The following PAK5 variants were observed in gnomAD, a reference collection of about 807,000 sequenced individuals.
PAK5 encodes the protein p21 (RAC1) activated kinase 5.
A neutral mutation model predicts 65.9 loss-of-function variants in PAK5; 16 were observed. That is an observed-to-expected ratio of 0.24 (90% CI 0.16 to 0.37). PAK5 has a LOEUF of 0.37. Among genes scored for constraint, PAK5 ranks in the 10% least tolerant of loss-of-function variants. The probability of loss-of-function intolerance (pLI) is 1.00; values close to 1 mark genes in which losing one functional copy is unlikely to be tolerated. For missense variants in PAK5, 785 were observed against 903.9 expected (o/e 0.87, Z 1.69); for synonymous variants, 371 against 354.9 (o/e 1.05, Z -0.51).
At chr20:9,610,522 T>G (rs770709425) in intron 3 of PAK5, among the ~76,000 whole-genome samples, 2 of 152,196 alleles carry the variant, frequency 1.3e-5, no homozygotes, top group Non-Finnish European at 2.9e-5. Context: ...TATTAATATA[T>G]TTAGCCAAAT....
intron 2 of PAK5, among the ~76,000 whole-genome samples, chr20:9,701,523 G>A (rs1014501604): frequency 1.3e-5 from 2 of 152,144 alleles, no homozygotes; most frequent in African/African-American, 4.8e-5. Context: ...TTCAATTAAA[G>A]ACTTCCTGGA....
chr20:9,613,608 T>C (rs1390448369), intron 3 of PAK5, among the ~76,000 whole-genome samples: 1 of 152,360 alleles, frequency 6.6e-6, no homozygotes, highest in African/African-American at 2.4e-5. Flanking sequence ...AAATATGCCA[T>C]AGCATTTAGT....
chr20:9,787,436 A>C (rs2049003801), intron 1 of PAK5, among the ~76,000 whole-genome samples: 1 of 152,124 alleles, frequency 6.6e-6, no homozygotes, highest in Non-Finnish European at 1.5e-5. Flanking sequence ...CTCTGCTTTT[A>C]AATTATATCC....
intron 3 of PAK5, among the ~76,000 whole-genome samples, chr20:9,596,635 CAAAA>C (rs35576059): frequency 7.6e-5 from 4 of 52,816 alleles, no homozygotes; most frequent in South Asian, 1.2e-3. Flanking sequence ...GACTCCGTCT[CAAAA>C]AAAAAAAAAA....
At chr20:9,565,645 A>C (rs937399988) in intron 5 of PAK5, among the ~76,000 whole-genome samples, 2 of 152,104 alleles carry the variant, frequency 1.3e-5, no homozygotes, top group Non-Finnish European at 2.9e-5. Flanking sequence ...TATCTCACAG[A>C]GTTGTTGTGA....
chr20:9,762,481 A>G (rs1170571142), intron 1 of PAK5, among the ~76,000 whole-genome samples: 2 of 152,170 alleles, frequency 1.3e-5, no homozygotes, highest in Non-Finnish European at 1.5e-5. Flanking sequence ...ATATATCTCC[A>G]CAGAAGACAA....
intron 1 of PAK5, among the ~76,000 whole-genome samples, chr20:9,823,473 C>T (rs1385491028): frequency 6.6e-6 from 1 of 152,062 alleles, no homozygotes; most frequent in Non-Finnish European, 1.5e-5. Flanking sequence ...GGGTGGTTCC[C>T]CCATACTGTT....
chr20:9,569,713 T>C (rs548639358), intron 4 of PAK5, among the ~76,000 whole-genome samples: 5 of 149,266 alleles, frequency 3.3e-5, no homozygotes, highest in South Asian at 4.1e-4. Context: ...TATCACATCA[T>C]GGAGCAATAA....
At chr20:9,674,229 G>C (rs1378518871) in intron 2 of PAK5, among the ~76,000 whole-genome samples, 1 of 152,038 alleles carries the variant, frequency 6.6e-6, no homozygotes, top group Non-Finnish European at 1.5e-5. Context: ...AGCTATCCTT[G>C]AGATCCACAG....
chr20:9,620,811 G>A (rs550325521), intron 3 of PAK5, among the ~76,000 whole-genome samples: 7 of 152,056 alleles, frequency 4.6e-5, no homozygotes, highest in African/African-American at 7.2e-5. Context: ...CCTGCATGAC[G>A]CCATCAGTCC....
intron 2 of PAK5, among the ~76,000 whole-genome samples, chr20:9,665,125 G>A (rs1302260232): frequency 9.3e-6 from 1 of 107,118 alleles, no homozygotes; most frequent in African/African-American, 3.8e-5. Context: ...TCCCTGTGTT[G>A]CCTAGGCTGG....
At chr20:9,565,831 C>G (rs1389514821) in intron 5 of PAK5, 62 bp downstream of exon 5, 1 of 1,509,222 alleles carries the variant, frequency 6.6e-7, no homozygotes, top group African/African-American at 1.4e-5. Context: ...ATGTGTATAA[C>G]TTTTGAAATG....
intron 1 of PAK5, among the ~76,000 whole-genome samples, chr20:9,826,785 C>T (rs1180793351): frequency 6.6e-6 from 1 of 152,206 alleles, no homozygotes; most frequent in East Asian, 1.9e-4. Flanking sequence ...AAAACCCCAG[C>T]TTTCACTACA....
chr20:9,795,558 G>A (rs1311844784), intron 1 of PAK5, among the ~76,000 whole-genome samples: 2 of 152,044 alleles, frequency 1.3e-5, no homozygotes, highest in African/African-American at 4.8e-5. Flanking sequence ...CACTATATGT[G>A]CAGCTTCTAG....
At chr20:9,684,506 A>C (rs1261785742) in intron 2 of PAK5, among the ~76,000 whole-genome samples, 2 of 152,196 alleles carry the variant, frequency 1.3e-5, no homozygotes, top group Non-Finnish European at 2.9e-5. Context: ...GCTATTGATA[A>C]CTTGCCAGTT....
intron 1 of PAK5, among the ~76,000 whole-genome samples, chr20:9,714,597 T>C (rs954374411): frequency 6.6e-6 from 1 of 152,162 alleles, no homozygotes. Flanking sequence ...ACCCTTAACA[T>C]TGATTTACTT....
intron 2 of PAK5, among the ~76,000 whole-genome samples, chr20:9,664,984 A>G (rs2047394863): frequency 6.6e-6 from 1 of 151,708 alleles, no homozygotes; most frequent in Admixed American, 6.6e-5. Context: ...TAGAGTCATG[A>G]TCATGGCCCT....
At chr20:9,745,913 A>G (rs1365332649) in intron 1 of PAK5, among the ~76,000 whole-genome samples, 1 of 152,154 alleles carries the variant, frequency 6.6e-6, no homozygotes, top group African/African-American at 2.4e-5. Flanking sequence ...TTGGTGGAAT[A>G]TATATTGTTT....
At position 9,557,600 on chromosome 20, in the gene PAK5, C is replaced by T. The variant is rs1048416342; in HGVS notation, c.1743+8G>A. 4 of 1,605,682 alleles carry T rather than the reference C, an allele frequency of 2.5e-6. No homozygotes were observed. Among genetic ancestry groups the T allele is most frequent in the Non-Finnish European group, 3.4e-6 (4 of 1,176,302 alleles). ...AAACTACGAACGGGCCAAACATGAA[C>T]ATCTTACCCGGCCATCGCTTGTCAG... is the stretch of plus-strand genomic sequence containing the variant. On this transcript the variant is annotated splice_region_variant and intron_variant, in intron 7 of 9. Transcript: ENST00000353224.
Sources: allele counts gnomAD v4.1 joint callset (sites outside exome capture counted in the v4.1 genomes callset), GRCh38; gene constraint gnomAD v4.1.1; transcripts MANE v1.5; gene names NCBI Gene and HGNC (gene_info 2026-07-23, HGNC 2026-07-21).